The following AGTPBP1 variants were observed in gnomAD, a reference collection of about 807,000 sequenced individuals.
The protein encoded by AGTPBP1 is ATP/GTP binding carboxypeptidase 1, also known as cytosolic carboxypeptidase 1.
AGTPBP1 carries 70 observed loss-of-function variants against 143.9 expected under a neutral mutation model. The ratio of observed to expected loss-of-function variants is 0.49; its 90% CI spans 0.40 to 0.59. The LOEUF (loss-of-function observed/expected upper bound fraction) is 0.59. Among genes scored for constraint, AGTPBP1 ranks in the 20% least tolerant of loss-of-function variants. The pLI, the probability that AGTPBP1 is intolerant of heterozygous loss-of-function variation, is 0.00. For missense variants in AGTPBP1, 1,229 were observed against 1,464.5 expected, an observed-to-expected ratio of 0.84 and a Z score of 2.62; for synonymous variants, 463 against 500.2, an observed-to-expected ratio of 0.93 and a Z score of 0.99.
At position 85,646,387 on chromosome 9, in the gene AGTPBP1, G is replaced by A; in HGVS notation, c.1119C>T (p.Asn373=). Residue 373 remains asparagine (N), a synonymous_variant, in exon 12 of 26, where the codon AAC becomes AAT. Transcript: ENST00000357081. ...VDDVVDESDD[N]DDIDVEAENE... is the part of the protein sequence containing the mutation. ...TTTCAGCTTCTACATCAATATCATC[G>A]TTGTCATCACTTTCATCTACTACGT... The A allele has an allele frequency of 6.2e-7, 1 of 1,612,728 alleles. No individual in the cohort carries two copies. Among genetic ancestry groups the A allele is most frequent in the East Asian group, 2.2e-5 (1 of 44,766 alleles).
chr9:85,636,256 T>C (rs1039752795), intron 13 of AGTPBP1, among the ~76,000 whole-genome samples: 2 of 139,112 alleles, frequency 1.4e-5, no homozygotes, highest in African/African-American at 5.7e-5. Flanking sequence ...TTTTGTAAGG[T>C]TTCTTTTTTT....
chr9:85,573,260 C>A (rs753981933), intron 25 of AGTPBP1, among the ~76,000 whole-genome samples: 2 of 152,208 alleles, frequency 1.3e-5, no homozygotes, highest in African/African-American at 2.4e-5. Context: ...CGCGCCACCA[C>A]GCCTGACTGG....
In AGTPBP1 at chr9:85,741,909, G is replaced by GGCGGCGGCGGCGGCGGCAGCT. The variant is rs1554747166; in HGVS notation, c.-169_-168insAGCTGCCGCCGCCGCCGCCGC. The GGCGGCGGCGGCGGCGGCAGCT allele has an allele frequency of 7.6e-7, 1 of 1,316,892 alleles. No homozygotes were observed. The highest frequency in any genetic ancestry group is 1.7e-5 in the African/African-American group (1 of 60,252). The allele number at this position is 1,316,892 out of a possible 1,614,324, so 81.6% of individuals were successfully genotyped here. On this transcript the variant is annotated 5_prime_UTR_variant, in exon 1 of 26. Transcript: ENST00000357081. ...CCCCGGTGGCAGGCGAGGCGGAGGC[G>GGCGGCGGCGGCGGCGGCAGCT]GCGGCGGCGGCAGCTGCGGCGGCGG...
intron 13 of AGTPBP1, among the ~76,000 whole-genome samples, chr9:85,635,070 A>G (rs1300814802): frequency 1.3e-5 from 2 of 152,182 alleles, no homozygotes; most frequent in Non-Finnish European, 2.9e-5. Context: ...ATCAGTCGCA[A>G]TTCTTCATAG....
At chr9:85,642,298 A>G (rs1044775206) in intron 13 of AGTPBP1, among the ~76,000 whole-genome samples, 1 of 152,138 alleles carries the variant, frequency 6.6e-6, no homozygotes, top group African/African-American at 2.4e-5. Context: ...TGATGCAAAA[A>G]GACTAAAGTG....
At chr9:85,654,711 C>T (rs1833385003) in intron 11 of AGTPBP1, among the ~76,000 whole-genome samples, 1 of 151,820 alleles carries the variant, frequency 6.6e-6, no homozygotes, top group South Asian at 2.1e-4. Context: ...GGAATGGTGG[C>T]ACAGGCCTGT....
chr9:85,722,458 G>C (rs62570610), intron 1 of AGTPBP1, among the ~76,000 whole-genome samples: 3 of 151,924 alleles, frequency 2.0e-5, no homozygotes, highest in Non-Finnish European at 4.4e-5. Context: ...CGACTTGATC[G>C]AATCAGCTAT....
chr9:85,724,115 G>A (rs1373410603), intron 1 of AGTPBP1, among the ~76,000 whole-genome samples: 2 of 151,686 alleles, frequency 1.3e-5, no homozygotes, highest in African/African-American at 2.4e-5. Flanking sequence ...GGAGAAACCC[G>A]AACTCTACTA....
chr9:85,625,235 C>G (rs989506443), intron 14 of AGTPBP1, among the ~76,000 whole-genome samples: 1 of 152,232 alleles, frequency 6.6e-6, no homozygotes, highest in Non-Finnish European at 1.5e-5. Flanking sequence ...TCTGATCACC[C>G]TCTACCAGTG....
chr9:85,696,386 G>A (rs116412449), intron 2 of AGTPBP1, among the ~76,000 whole-genome samples: 2,026 of 152,198 alleles, frequency 0.013, 51 homozygotes, highest in African/African-American at 0.046. Flanking sequence ...GTGTCAACCC[G>A]GTCGGGCGCA....
intron 2 of AGTPBP1, among the ~76,000 whole-genome samples, chr9:85,696,505 T>C (rs1836253000): frequency 6.6e-6 from 1 of 151,866 alleles, no homozygotes; most frequent in Admixed American, 6.6e-5. Context: ...CCATCTCTAC[T>C]AAAAATACCA....
At chr9:85,770,151 A>G in the AGTPBP1 span, 15 of 646,830 alleles carry the variant, frequency 2.3e-5, no homozygotes, top group Non-Finnish European at 3.7e-5. Flanking sequence ...AAGCACTCAA[A>G]AAACATTTTC....
In AGTPBP1 at chr9:85,741,897, C is replaced by T. The variant is rs1564203609; in HGVS notation, c.-156G>A. ...TTTTCATACAAACCCCGGTGGCAGG[C>T]GAGGCGGAGGCGGCGGCGGCGGCAG... On this transcript the variant is annotated 5_prime_UTR_variant, in exon 1 of 26. Coordinates refer to ENST00000357081, the MANE Select transcript of AGTPBP1 (RefSeq NM_001330701.2). The T allele has an allele frequency of 2.2e-6, 3 of 1,354,964 alleles. No homozygotes were observed. The highest frequency in any genetic ancestry group is 2.8e-6 in the Non-Finnish European group (3 of 1,055,426). 83.9% of individuals were successfully genotyped at this position (1,354,964 alleles called of 1,614,324 possible).
Position 85,689,292 on chromosome 9 carries a change from C to T in AGTPBP1, c.157+3397G>A, listed in dbSNP as rs146556631. 8.5e-5 allele frequency among the ~76,000 whole-genome samples: 13 copies of T among 152,238 alleles called. No homozygotes were observed. The East Asian group carries it at 9.7e-4, about 11-fold the overall frequency. On this transcript the variant is annotated intron_variant, in intron 3 of 25. Transcript: ENST00000357081. The stretch of plus-strand genomic sequence containing the variant: ...TGTCTATCTGGCCCTTCCCAGAAAA[C>T]GCTAGCCATTCCCTGCTCTAGAGCA...
chr9:85,783,502 A>G, the AGTPBP1 span, among the ~76,000 whole-genome samples: 2 of 152,232 alleles, frequency 1.3e-5, no homozygotes, highest in Non-Finnish European at 2.9e-5. Flanking sequence ...TAATATAATG[A>G]CATGAAACAA....
At chr9:85,601,710 C>G (rs117005632) in intron 17 of AGTPBP1, among the ~76,000 whole-genome samples, 2,520 of 152,312 alleles carry the variant, frequency 0.017, 30 homozygotes, top group Middle Eastern at 0.054. Flanking sequence ...CAACTGCCAG[C>G]ATCTGAGAAA....
At chr9:85,651,597 T>C (rs1294109347) in intron 11 of AGTPBP1, among the ~76,000 whole-genome samples, 1 of 152,210 alleles carries the variant, frequency 6.6e-6, no homozygotes, top group Non-Finnish European at 1.5e-5. Context: ...ACATCTCTAA[T>C]TCATCATCTG....
intron 6 of AGTPBP1, among the ~76,000 whole-genome samples, chr9:85,673,554 T>G (rs1834625398): frequency 6.6e-6 from 1 of 152,220 alleles, no homozygotes; most frequent in Non-Finnish European, 1.5e-5. Context: ...AAAGATGTTC[T>G]TAATTTTTAT....
rs374711679 is a variant in AGTPBP1 at position 85,569,032 on chromosome 9, A to G, written c.3503+6283T>C. On this transcript the variant is annotated intron_variant, in intron 25 of 25. Transcript: ENST00000357081. ...ACTCACAGGAATGAATATCACCCAC[A>G]GAAAGCAGGTAAATTGAGAAGTGGA... is the stretch of plus-strand genomic sequence containing the variant. Among the ~76,000 whole-genome samples the G allele has an allele frequency of 1.2e-4, 19 of 152,332 alleles. No homozygotes were observed. In the East Asian group the frequency reaches 3.3e-3, roughly 26 times the overall value.
Sources: allele counts gnomAD v4.1 joint callset (sites outside exome capture counted in the v4.1 genomes callset), GRCh38; gene constraint gnomAD v4.1.1; transcripts MANE v1.5; gene names NCBI Gene and HGNC (gene_info 2026-07-23, HGNC 2026-07-21).